PEAK1: variants seen among roughly 807,000 people sequenced by gnomAD.
PEAK1 encodes pseudopodium enriched atypical kinase 1.
PEAK1 carries 54 observed loss-of-function variants against 124.7 expected under a neutral mutation model. That is an observed-to-expected ratio of 0.43 (90% confidence interval 0.35 to 0.54). PEAK1 has a LOEUF of 0.54. Ranked by LOEUF, PEAK1 falls within the 20% of genes least tolerant of loss-of-function variation. PEAK1 has a pLI of 0.01. For synonymous variants in PEAK1, 719 were observed against 760.0 expected (o/e 0.95, Z 0.89); for missense variants, 2,046 against 2,134.5 (o/e 0.96, Z 0.82).
intron 6 of PEAK1, among the ~76,000 whole-genome samples, chr15:77,240,498 T>C (rs941663986): frequency 6.6e-6 from 1 of 151,798 alleles, no homozygotes; most frequent in Non-Finnish European, 1.5e-5. Context: ...CTTGTGTCTT[T>C]AGTCTCAGCT....
intron 9 of PEAK1, among the ~76,000 whole-genome samples, chr15:77,127,452 C>T (rs1312914065): frequency 6.6e-6 from 1 of 152,046 alleles, no homozygotes; most frequent in Non-Finnish European, 1.5e-5. Flanking sequence ...TGAGGAAAAG[C>T]CCAGATAACC....
At chr15:77,188,826 T>C (rs1036848598) in intron 6 of PEAK1, among the ~76,000 whole-genome samples, 3 of 152,138 alleles carry the variant, frequency 2.0e-5, no homozygotes, top group African/African-American at 7.2e-5. Context: ...ATACATTGGA[T>C]ACTAAATAAA....
chr15:77,352,169 A>G (rs1176863128), intron 2 of PEAK1: 1 of 972,526 alleles, frequency 1.0e-6, no homozygotes, highest in Non-Finnish European at 1.2e-6. Flanking sequence ...TCACCACTGC[A>G]CTGCAGCCTC....
At chr15:77,385,230 G>A (rs558205730) in intron 1 of PEAK1, among the ~76,000 whole-genome samples, 1 of 152,140 alleles carries the variant, frequency 6.6e-6, no homozygotes, top group East Asian at 1.9e-4. Context: ...AAGCCTATTT[G>A]TCTGTCATTA....
chr15:77,352,717 T>G (rs1327921503), intron 2 of PEAK1: 1 of 956,724 alleles, frequency 1.0e-6, no homozygotes, highest in African/African-American at 1.8e-5. Flanking sequence ...TCAAGAAGAT[T>G]TGAAATAATT....
At chr15:77,350,686 G>A in intron 2 of PEAK1, 1 of 984,280 alleles carries the variant, frequency 1.0e-6, no homozygotes, top group Non-Finnish European at 1.2e-6. Flanking sequence ...GTTCCCTACA[G>A]CTTCCTCAGC....
Position 77,254,111 on chromosome 15 carries a change from C to T in PEAK1, c.-274-1585G>A, listed in dbSNP as rs371139014. Among the ~76,000 whole-genome samples, 43 of 152,192 alleles carry T rather than the reference C, an allele frequency of 2.8e-4. No homozygotes were observed. The East Asian group carries it at 2.9e-3, about 10-fold the overall frequency. ...CTAGAATTACAGGTGTGAGCCACTGCGCCTGGCCTATCTTTGGACTTTAGT... is the reference window on the plus strand; with the variant it reads ...CTAGAATTACAGGTGTGAGCCACTGTGCCTGGCCTATCTTTGGACTTTAGT... On this transcript the variant is annotated intron_variant, in intron 5 of 9. Coordinates refer to ENST00000682557, the MANE Select transcript of PEAK1 (RefSeq NM_001385026.1).
In PEAK1 at chr15:77,180,410, T is replaced by C. The variant is rs567987817; in HGVS notation, c.1517A>G (p.Asn506Ser). ...PKTKSSSSTPNSPVTSSSLTP... is the reference protein window; with the variant it reads ...PKTKSSSSTPSSPVTSSSLTP... ...CAATGAAGATGATGTAACTGGAGAG[T>C]TTGGAGTAGAGGATGAGCTTTTTGT... Residue 506 changes from asparagine (N) to serine (S), a missense_variant, in exon 7 of 10, where the codon AAC becomes AGC. Asn to Ser is a conservative substitution (Grantham distance 46, BLOSUM62 1). Coordinates refer to ENST00000682557, the MANE Select transcript of PEAK1 (RefSeq NM_001385026.1). 14 of 1,613,626 alleles carry C rather than the reference T, an allele frequency of 8.7e-6. No homozygotes were observed. In the African/African-American group the frequency reaches 1.9e-4, roughly 22 times the overall value.
intron 1 of PEAK1, among the ~76,000 whole-genome samples, chr15:77,414,027 C>G (rs1333432470): frequency 6.6e-6 from 1 of 151,922 alleles, no homozygotes; most frequent in Non-Finnish European, 1.5e-5. Context: ...CTCCCTATGT[C>G]GCCTAGGCTG....
chr15:77,156,742 C>T (rs1275807335), intron 8 of PEAK1: 4 of 152,074 alleles, frequency 2.6e-5, no homozygotes, highest in Non-Finnish European at 5.9e-5. Flanking sequence ...TTTACTGAGG[C>T]TATCATGAAA....
intron 8 of PEAK1, among the ~76,000 whole-genome samples, chr15:77,145,906 G>A (rs1394355131): frequency 6.6e-6 from 1 of 152,172 alleles, no homozygotes; most frequent in Non-Finnish European, 1.5e-5. Flanking sequence ...TGGTACCAGG[G>A]AGATAGTTGG....
intron 1 of PEAK1, chr15:77,404,143 A>T: frequency 2.0e-6 from 2 of 985,266 alleles, no homozygotes; most frequent in South Asian, 9.4e-5. Flanking sequence ...TGTGACATGA[A>T]GGTCCATAAA....
intron 2 of PEAK1, among the ~76,000 whole-genome samples, chr15:77,290,845 A>G (rs2063175680): frequency 6.6e-6 from 1 of 152,212 alleles, no homozygotes; most frequent in Non-Finnish European, 1.5e-5. Flanking sequence ...CCTTAGTTAG[A>G]AGACTACAGA....
At chr15:77,277,354 A>C (rs1312291828) in intron 5 of PEAK1, among the ~76,000 whole-genome samples, 2 of 152,158 alleles carry the variant, frequency 1.3e-5, no homozygotes, top group Non-Finnish European at 2.9e-5. Context: ...CAGCACAGGG[A>C]TATCATTGGG....
chr15:77,165,493 G>A (rs2056024778), intron 7 of PEAK1, among the ~76,000 whole-genome samples: 2 of 152,124 alleles, frequency 1.3e-5, no homozygotes, highest in Non-Finnish European at 1.5e-5. Context: ...CACTGCGCCC[G>A]ACCCTTGGAA....
intron 6 of PEAK1, among the ~76,000 whole-genome samples, chr15:77,191,555 T>A (rs1398896487): frequency 2.6e-5 from 4 of 152,216 alleles, no homozygotes; most frequent in African/African-American, 9.6e-5. Flanking sequence ...TTATTGCTTC[T>A]ACAGGGAAAA....
At chr15:77,345,300 G>A (rs528708340) in intron 2 of PEAK1, among the ~76,000 whole-genome samples, 4 of 152,280 alleles carry the variant, frequency 2.6e-5, no homozygotes, top group African/African-American at 9.6e-5. Context: ...GATAGATTGT[G>A]TGTTTTTTGC....
intron 2 of PEAK1, chr15:77,352,765 C>CT: frequency 1.0e-6 from 1 of 968,532 alleles, no homozygotes; most frequent in Non-Finnish European, 1.2e-6. Flanking sequence ...ATAAGACAGA[C>CT]ATACAAAAGT....
chr15:77,341,286 G>C (rs1164943283), intron 2 of PEAK1, among the ~76,000 whole-genome samples: 1 of 152,012 alleles, frequency 6.6e-6, no homozygotes, highest in Non-Finnish European at 1.5e-5. Flanking sequence ...GATCATCTGA[G>C]GTCAGGAGTT....
Sources: gnomAD v4.1 joint callset for allele counts (sites outside exome capture counted in the v4.1 genomes callset) on GRCh38, gnomAD v4.1.1 for gene constraint, MANE v1.5 for transcripts, NCBI Gene and HGNC (gene_info 2026-07-23, HGNC 2026-07-21) for gene names.